TSHZ3: variants seen among roughly 807,000 people sequenced by gnomAD.
TSHZ3 encodes the protein teashirt homolog 3.
TSHZ3 carries 10 observed loss-of-function variants against 64.5 expected under a neutral mutation model. The observed-to-expected ratio is 0.16, with a 90% confidence interval of 0.10 to 0.26. TSHZ3 has a LOEUF of 0.26. TSHZ3 is among the 10% of genes least tolerant of loss of function. TSHZ3 has a pLI of 1.00. For missense variants in TSHZ3, 1,242 were observed against 1,421.7 expected (o/e 0.87, Z 2.03); for synonymous variants, 608 against 593.1 (o/e 1.03, Z -0.36).
At chr19:31,162,954 A>G (rs1000548012) in intron 5 of TSHZ3, among the ~76,000 whole-genome samples, 2 of 152,168 alleles carry the variant, frequency 1.3e-5, no homozygotes, top group African/African-American at 4.8e-5. Flanking sequence ...GCCCCACTGA[A>G]TCACACAGCA....
At chr19:31,293,116 T>G (rs1023347111) in intron 1 of TSHZ3, among the ~76,000 whole-genome samples, 14 of 151,496 alleles carry the variant, frequency 9.2e-5, no homozygotes, top group Admixed American at 7.9e-4. Flanking sequence ...AACGTACCCA[T>G]CCATCCAAAA....
At position 31,277,621 on chromosome 19, in the gene TSHZ3, G is replaced by T; in HGVS notation, c.2172C>A (p.Ala724=). The T allele has an allele frequency of 6.4e-7, 1 of 1,571,104 alleles. No individual in the cohort carries two copies. Residue 724 remains alanine (A), a synonymous_variant, in exon 2 of 2, where the codon GCC becomes GCA. Coordinates refer to ENST00000240587, the MANE Select transcript of TSHZ3 (RefSeq NM_020856.4). This position sits in a 1 kb window ranked among gnomAD's most constrained non-coding sequence, Gnocchi z 4.5. ...PEQPFVNPLS[A]LQSVMNIHLG... The stretch of plus-strand genomic sequence containing the variant: ...GGTGAATGTTCATGACTGACTGCAG[G>T]GCGCTCAAAGGGTTAACAAAAGGCT...
rs765436525 is a variant in TSHZ3 at position 31,279,314 on chromosome 19, C to T, written c.479G>A (p.Cys160Tyr). Reference protein sequence around the residue: ...SSSSSSSSSSCGSGSFDWHQS... With the variant: ...SSSSSSSSSSYGSGSFDWHQS... ...GTGCCAGTCGAAGCTCCCGCTGCCA[C>T]AGCTGCTGCTGCTGCTACTGCTGCT... is the stretch of plus-strand genomic sequence containing the variant. Residue 160 changes from cysteine to tyrosine, a missense_variant, in exon 2 of 2, where the codon TGT (cysteine) becomes TAT (tyrosine). Physicochemically the swap from Cys to Tyr is radical, Grantham distance 194 (BLOSUM62 -2). Transcript: ENST00000240587. This position sits in a 1 kb window ranked among gnomAD's most constrained non-coding sequence, Gnocchi z 6.4. The T allele has an allele frequency of 6.2e-7, 1 of 1,613,896 alleles. No homozygotes were observed. The highest frequency in any genetic ancestry group is 8.5e-7 in the Non-Finnish European group (1 of 1,179,890).
At chr19:31,214,309 CA>C in intron 4 of TSHZ3, among the ~76,000 whole-genome samples, 1 of 152,334 alleles carries the variant, frequency 6.6e-6, no homozygotes, top group Non-Finnish European at 1.5e-5. Context: ...ATTGAATTCT[CA>C]GCTGGCGTGA....
intron 1 of TSHZ3, among the ~76,000 whole-genome samples, chr19:31,311,561 G>T (rs1916460237): frequency 6.6e-6 from 1 of 152,122 alleles, no homozygotes; most frequent in Non-Finnish European, 1.5e-5. Context: ...AGGACAGAAG[G>T]TGCTGCACTG....
At chr19:31,162,241 G>T (rs1164015182) in intron 5 of TSHZ3, among the ~76,000 whole-genome samples, 3 of 151,952 alleles carry the variant, frequency 2.0e-5, no homozygotes, top group African/African-American at 2.4e-5. Context: ...CAGTACTGAT[G>T]AAATACTTAA....
chr19:31,182,790 G>A (rs1289620044), intron 5 of TSHZ3, among the ~76,000 whole-genome samples: 1 of 152,170 alleles, frequency 6.6e-6, no homozygotes, highest in Non-Finnish European at 1.5e-5. Context: ...ATTCACAGAG[G>A]ACAAGTAAAG....
chr19:31,339,156 G>C (rs192750635), intron 1 of TSHZ3, among the ~76,000 whole-genome samples: 22 of 151,620 alleles, frequency 1.5e-4, no homozygotes, highest in Middle Eastern at 3.4e-3. Context: ...TGCAAGCCAG[G>C]GTGGCTTGAA....
intron 1 of TSHZ3, among the ~76,000 whole-genome samples, chr19:31,280,677 G>T (rs1976345287): frequency 6.6e-6 from 1 of 152,194 alleles, no homozygotes; most frequent in African/African-American, 2.4e-5. Flanking sequence ...CTCAGTATAA[G>T]CTTCATGGGC....
chr19:31,316,049 G>A (rs1246616101), intron 1 of TSHZ3, among the ~76,000 whole-genome samples: 1 of 152,108 alleles, frequency 6.6e-6, no homozygotes, highest in East Asian at 1.9e-4. Flanking sequence ...TATAAAACTA[G>A]ACTTGCACTT....
chr19:31,198,201 A>C (rs1215494812), intron 5 of TSHZ3, among the ~76,000 whole-genome samples: 1 of 152,154 alleles, frequency 6.6e-6, no homozygotes, highest in Non-Finnish European at 1.5e-5. Context: ...TAAAACTCAC[A>C]AGACCATATC....
intron 5 of TSHZ3, among the ~76,000 whole-genome samples, chr19:31,172,849 G>A (rs1352568741): frequency 6.6e-6 from 1 of 152,226 alleles, no homozygotes; most frequent in African/African-American, 2.4e-5. Context: ...ATCTTAGGGA[G>A]AGAGGCAAAG....
intron 4 of TSHZ3, among the ~76,000 whole-genome samples, chr19:31,213,387 A>AAAAAAAAAC: frequency 6.8e-6 from 1 of 147,622 alleles, no homozygotes; most frequent in Non-Finnish European, 1.5e-5. Context: ...AAAAAAAAAA[A>AAAAAAAAAC]AAAATCAGTG....
intron 5 of TSHZ3, among the ~76,000 whole-genome samples, chr19:31,197,979 A>T (rs1465843305): frequency 2.0e-5 from 3 of 152,100 alleles, no homozygotes; most frequent in Admixed American, 2.0e-4. Flanking sequence ...CTAAAACCAG[A>T]CAAAAAGACA....
chr19:31,276,648 T>C lies in TSHZ3; in HGVS notation c.3145A>G (p.Thr1049Ala). ...TTAACAGCGTGCTTGCTGGCAAAGGTCCGATTGCAAAGTTTGCACTGATAG... is the reference window on the plus strand; with the variant it reads ...TTAACAGCGTGCTTGCTGGCAAAGGCCCGATTGCAAAGTTTGCACTGATAG... ...TSYQCKLCNRTFASKHAVKLH... is the reference protein window; with the variant it reads ...TSYQCKLCNRAFASKHAVKLH... Residue 1049 changes from threonine (T) to alanine (A), a missense_variant, in exon 2 of 2, where the codon ACC becomes GCC. By Grantham distance (58) the Thr-to-Ala change is moderately conservative. This residue lies in a region of TSHZ3 where 126 missense variants were observed against 140.6 expected (regional missense o/e 0.90). Transcript: ENST00000240587. 6.2e-7 allele frequency: 1 copy of C among 1,612,954 alleles called. No individual in the cohort carries two copies. The highest frequency in any genetic ancestry group is 8.5e-7 in the Non-Finnish European group (1 of 1,179,036).
intron 5 of TSHZ3, among the ~76,000 whole-genome samples, chr19:31,184,377 T>A (rs1375373042): frequency 6.6e-6 from 1 of 152,162 alleles, no homozygotes; most frequent in African/African-American, 2.4e-5. Context: ...GCCTAAAAAT[T>A]GTTCGTCCTT....
intron 1 of TSHZ3, among the ~76,000 whole-genome samples, chr19:31,315,705 C>T (rs1200443732): frequency 6.6e-6 from 1 of 152,220 alleles, no homozygotes; most frequent in Non-Finnish European, 1.5e-5. Context: ...CTGAAAACAG[C>T]AGTGCTCCGA....
intron 1 of TSHZ3, among the ~76,000 whole-genome samples, chr19:31,267,870 A>G (rs186741987): frequency 6.6e-6 from 1 of 152,316 alleles, no homozygotes; most frequent in African/African-American, 2.4e-5. Flanking sequence ...GAGAGAGCAG[A>G]GTGAAGGTTG....
exon 7 of TSHZ3, among the ~76,000 whole-genome samples, chr19:31,150,954 C>A (rs1974230522): frequency 6.6e-6 from 1 of 152,140 alleles, no homozygotes; most frequent in South Asian, 2.1e-4. Flanking sequence ...CCTTCCATAT[C>A]TCTGCAACTC....
Sources: gnomAD v4.1 joint callset for allele counts (sites outside exome capture counted in the v4.1 genomes callset) on GRCh38, gnomAD v4.1.1 for gene constraint, gnomAD v4.1.1 regional missense constraint, Gnocchi (gnomAD v3.1) non-coding constraint, MANE v1.5 for transcripts, NCBI Gene and HGNC (gene_info 2026-07-23, HGNC 2026-07-21) for gene names.